The following RMC1 variants were observed in gnomAD, a reference collection of about 807,000 sequenced individuals.
RMC1 encodes regulator of MON1-CCZ1 complex.
In RMC1, 44 loss-of-function variants were observed where a neutral mutation model predicts 95.5. The observed-to-expected ratio is 0.46, with a 90% CI of 0.36 to 0.59. RMC1 has a LOEUF of 0.59. RMC1 is among the 20% of genes least tolerant of loss of function. RMC1 has a pLI of 0.00. For missense variants in RMC1, 705 were observed against 819.6 expected, an observed-to-expected ratio of 0.86 and a Z score of 1.71; for synonymous variants, 320 against 303.6, an observed-to-expected ratio of 1.05 and a Z score of -0.56.
At chr18:23,530,703 C>A in intron 19 of RMC1, 91 bp downstream of exon 19, 1 of 1,245,860 alleles carries the variant, frequency 8.0e-7, no homozygotes, top group Non-Finnish European at 1.1e-6. Context: ...CCTGGGTTAG[C>A]ATTTTTGTAA....
chr18:23,527,532 G>A (rs144348585), intron 13 of RMC1, among the ~76,000 whole-genome samples: 16 of 151,092 alleles, frequency 1.1e-4, no homozygotes, highest in African/African-American at 2.4e-4. Flanking sequence ...CTTCTGCCTC[G>A]GCCTACCCAA....
rs2058450352 is a variant in RMC1, at chr18:23,530,253, A to T, written c.1624A>T (p.Ser542Cys). 4.3e-6 allele frequency: 7 copies of T among 1,614,042 alleles called. No homozygotes were observed. Among genetic ancestry groups the T allele is most frequent in the Non-Finnish European group, 5.1e-6 (6 of 1,180,038 alleles). The change falls in exon 18 of 20, where the codon AGT becomes TGT. Residue 542 changes from serine (S) to cysteine (C), a missense_variant. Ser to Cys is a moderately radical substitution (Grantham distance 112, BLOSUM62 -1). Transcript: ENST00000269221. ...GGCTTGTCTGCTGTTATCCCTAGAG[A>T]GTTTCTATCCTCCTGCTCATCAGCT... ...PLACLLLSLE[S>C]FYPPAHQLSL...
At chr18:23,529,432 T>C in intron 15 of RMC1, 134 bp downstream of exon 15, 1 of 1,403,724 alleles carries the variant, frequency 7.1e-7, no homozygotes, top group South Asian at 1.4e-5. Context: ...GGTGAGGCCC[T>C]AGAGCTGGTA....
chr18:23,519,283 C>T, intron 9 of RMC1, 109 bp downstream of exon 9: 1 of 904,592 alleles, frequency 1.1e-6, no homozygotes, highest in Non-Finnish European at 1.7e-6. Context: ...TTTGGGAGGC[C>T]AAGGCGGACA....
chr18:23,515,740 C>G, intron 5 of RMC1, 116 bp from the exon 6 acceptor site: 1 of 1,200,562 alleles, frequency 8.3e-7, no homozygotes, highest in South Asian at 1.3e-5. Flanking sequence ...ACCATTTTGT[C>G]CAGGCTGGTC....
At position 23,506,992 on chromosome 18, in the gene RMC1, A is replaced by C; in HGVS notation, c.202A>C (p.Lys68Gln). 1 of 1,608,514 alleles carries C rather than the reference A, an allele frequency of 6.2e-7. No homozygotes were observed. ...AAGAATGGATGACAAAGGAGAAGTGAAGTGCATTAAGTTTTCCTTAGAAAA... is the reference window on the plus strand; with the variant it reads ...AAGAATGGATGACAAAGGAGAAGTGCAGTGCATTAAGTTTTCCTTAGAAAA... ...SFRMDDKGEV[K>Q]CIKFSLENKI... is the part of the protein sequence containing the mutation. Residue 68 changes from lysine (K) to glutamine (Q), a missense_variant, in exon 3 of 20, where the codon AAG (lysine) becomes CAG (glutamine). Lys to Gln is a moderately conservative substitution (Grantham distance 53). Coordinates refer to ENST00000269221, the MANE Select transcript of RMC1 (RefSeq NM_013326.5).
At chr18:23,529,832 T>C in intron 16 of RMC1, 120 bp downstream of exon 16, 1 of 1,124,280 alleles carries the variant, frequency 8.9e-7, no homozygotes. Flanking sequence ...CTCAGAATGC[T>C]GAGTGACTCC....
At chr18:23,504,505 A>C in intron 2 of RMC1, 58 bp downstream of exon 2, 3 of 1,469,082 alleles carry the variant, frequency 2.0e-6, no homozygotes, top group Non-Finnish European at 2.9e-6. Context: ...ATGTTTTTCT[A>C]ATTCAAATGG....
At chr18:23,509,373 T>TCAG in intron 5 of RMC1, 94 bp downstream of exon 5, 2 of 375,164 alleles carry the variant, frequency 5.3e-6, no homozygotes, top group Non-Finnish European at 8.9e-6. Flanking sequence ...ATATATATAT[T>TCAG]TTAAACATTT....
At chr18:23,517,424 A>G (rs2058037470) in intron 7 of RMC1, among the ~76,000 whole-genome samples, 1 of 152,226 alleles carries the variant, frequency 6.6e-6, no homozygotes, top group South Asian at 2.1e-4. Flanking sequence ...TTGGGATTAC[A>G]GGCGTGAGCC....
chr18:23,515,810 T>A, intron 5 of RMC1, 46 bp from the exon 6 acceptor site: 1 of 1,611,142 alleles, frequency 6.2e-7, no homozygotes, highest in Non-Finnish European at 8.5e-7. Flanking sequence ...TGGGATTAGT[T>A]TGCCGTTTTT....
chr18:23,528,016 T>A, intron 14 of RMC1, 115 bp downstream of exon 14: 1 of 869,402 alleles, frequency 1.2e-6, no homozygotes, highest in Non-Finnish European at 1.7e-6. Flanking sequence ...TCGCTGAGAT[T>A]TGCCGCCTGC....
chr18:23,530,327 T>C (rs761566950), intron 18 of RMC1, 30 bp downstream of exon 18: 6 of 1,614,056 alleles, frequency 3.7e-6, no homozygotes, highest in South Asian at 2.2e-5. Flanking sequence ...TTTTAGACTA[T>C]GGAAACTAAC....
At chr18:23,519,348 C>T (rs958001134) in intron 9 of RMC1, among the ~76,000 whole-genome samples, 174 bp downstream of exon 9, 1 of 151,928 alleles carries the variant, frequency 6.6e-6, no homozygotes, top group East Asian at 1.9e-4. Flanking sequence ...CAAAACCCCA[C>T]CTATATAAAA....
chr18:23,524,825 T>C (rs1225762834), intron 12 of RMC1, among the ~76,000 whole-genome samples: 2 of 151,500 alleles, frequency 1.3e-5, no homozygotes, highest in Non-Finnish European at 2.9e-5. Context: ...CCGGTGTCCG[T>C]GCCCTTTTCT....
intron 12 of RMC1, among the ~76,000 whole-genome samples, chr18:23,526,285 T>G (rs2058295613): frequency 6.6e-6 from 1 of 152,222 alleles, no homozygotes; most frequent in African/African-American, 2.4e-5. Context: ...CGTGTTGACA[T>G]CTTTTTCTAT....
chr18:23,503,784 G>T (rs1445589502), intron 1 of RMC1, 64 bp downstream of exon 1: 2 of 1,380,968 alleles, frequency 1.4e-6, no homozygotes, highest in Non-Finnish European at 1.9e-6. Context: ...CGCCAAGGCC[G>T]GTCCCGCGCG....
At chr18:23,515,645 G>A (rs2057981978) in intron 5 of RMC1, among the ~76,000 whole-genome samples, 1 of 152,138 alleles carries the variant, frequency 6.6e-6, no homozygotes. Flanking sequence ...CAATTCTTGT[G>A]CCTCAGCCTT....
At chr18:23,516,066 T>G (rs1201830814) in intron 6 of RMC1, 70 bp downstream of exon 6, 73 of 1,602,840 alleles carry the variant, frequency 4.6e-5, no homozygotes, top group Non-Finnish European at 6.1e-5. Flanking sequence ...CATCCTAATG[T>G]GTCAGGCACG....
Sources: gnomAD v4.1 joint callset for allele counts (sites outside exome capture counted in the v4.1 genomes callset) on GRCh38, gnomAD v4.1.1 for gene constraint, MANE v1.5 for transcripts, NCBI Gene and HGNC (gene_info 2026-07-23, HGNC 2026-07-21) for gene names.